Variants in CSMD1 observed in about 807,000 individuals in gnomAD.
The protein encoded by CSMD1 is CUB and sushi domain-containing protein 1.
CSMD1 carries 213 observed loss-of-function variants against 417.5 expected under a neutral mutation model. The ratio of observed to expected loss-of-function variants is 0.51; its 90% CI spans 0.46 to 0.57. The LOEUF is 0.57. CSMD1 is among the 20% of genes least tolerant of loss of function. The pLI is 0.00. For synonymous variants in CSMD1, 2,862 were observed against 1,736.8 expected, an observed-to-expected ratio of 1.65 and a Z score of -16.11; for missense variants, 6,923 against 4,529.7, an observed-to-expected ratio of 1.53 and a Z score of -15.17.
intron 41 of CSMD1, among the ~76,000 whole-genome samples, chr8:3,122,195 C>G (rs1262118434): frequency 6.6e-6 from 1 of 152,032 alleles, no homozygotes; most frequent in Admixed American, 6.5e-5. Flanking sequence ...AGATAAATTA[C>G]TAGTTATAGA....
intron 3 of CSMD1, among the ~76,000 whole-genome samples, chr8:4,111,841 T>A (rs554305808): frequency 6.6e-6 from 1 of 152,242 alleles, no homozygotes; most frequent in East Asian, 1.9e-4. Context: ...AGGTGATGGG[T>A]TGATAGGTGC....
intron 33 of CSMD1, 69 bp from the exon 34 acceptor site, chr8:3,190,184 G>A: frequency 7.7e-7 from 1 of 1,290,982 alleles, no homozygotes; most frequent in East Asian, 2.5e-5. Flanking sequence ...CGTGGAACGT[G>A]GGTTTAAGAT....
At chr8:4,568,180 G>A (rs1263973204) in intron 2 of CSMD1, among the ~76,000 whole-genome samples, 2 of 152,116 alleles carry the variant, frequency 1.3e-5, no homozygotes, top group African/African-American at 4.8e-5. Flanking sequence ...GGATACATGT[G>A]CAGAAAGTGC....
chr8:3,457,953 G>A (rs1238716198), intron 12 of CSMD1, among the ~76,000 whole-genome samples: 1 of 152,142 alleles, frequency 6.6e-6, no homozygotes. Context: ...CAATTACAGA[G>A]CCTAAAATAT....
chr8:4,754,939 C>A (rs1000297142), intron 1 of CSMD1, among the ~76,000 whole-genome samples: 2 of 152,036 alleles, frequency 1.3e-5, no homozygotes, highest in Non-Finnish European at 2.9e-5. Flanking sequence ...GAGTTCGAAA[C>A]CAGCCTGGCC....
intron 7 of CSMD1, among the ~76,000 whole-genome samples, chr8:3,647,893 A>G (rs555525121): frequency 6.6e-6 from 1 of 152,358 alleles, no homozygotes; most frequent in African/African-American, 2.4e-5. Context: ...TAAGTTTGGA[A>G]TTACTTCAAA....
chr8:4,434,961 G>GA (rs1011884431), intron 2 of CSMD1, among the ~76,000 whole-genome samples: 80 of 152,104 alleles, frequency 5.3e-4, no homozygotes, highest in African/African-American at 1.9e-3. Context: ...ATTTCCTATA[G>GA]AAAAAATGAT....
intron 5 of CSMD1, among the ~76,000 whole-genome samples, chr8:3,910,560 C>T (rs901577236): frequency 2.0e-5 from 3 of 152,132 alleles, no homozygotes; most frequent in Non-Finnish European, 4.4e-5. Flanking sequence ...ATAACTTGAG[C>T]AGACAGTATT....
intron 3 of CSMD1, among the ~76,000 whole-genome samples, chr8:4,342,097 G>A (rs1181663504): frequency 1.3e-5 from 2 of 152,032 alleles, no homozygotes; most frequent in African/African-American, 4.8e-5. Flanking sequence ...CCATCTCTAT[G>A]TTTCCATGGT....
At chr8:3,209,546 C>T (rs1797485151) in intron 30 of CSMD1, among the ~76,000 whole-genome samples, 1 of 151,974 alleles carries the variant, frequency 6.6e-6, no homozygotes, top group African/African-American at 2.4e-5. Flanking sequence ...TTATTGATCT[C>T]CTGACCTTGT....
In CSMD1 at chr8:3,135,518, A is replaced by G. The variant is rs1241150797; in HGVS notation, c.6241+6947T>C. On this transcript the variant is annotated intron_variant, in intron 41 of 69. Coordinates refer to ENST00000635120, the MANE Select transcript of CSMD1 (RefSeq NM_033225.6). ...GTGAAGTCTGCTGATCACATTTCTG[A>G]CTCTGTGAACCGGCTTCTTCCCCTT... Among the ~76,000 whole-genome samples, 15 of 110,450 alleles carry G rather than the reference A, an allele frequency of 1.4e-4. No individual in the cohort carries two copies. In the East Asian group the frequency reaches 3.7e-3, roughly 28 times the overall value. 72.5% of individuals were successfully genotyped at this position (110,450 alleles called of 152,430 possible).
chr8:3,900,259 G>A (rs74515770), intron 5 of CSMD1, among the ~76,000 whole-genome samples: 2,004 of 151,606 alleles, frequency 0.013, 53 homozygotes, highest in African/African-American at 0.046. Context: ...GGGCAGCTGG[G>A]TGACAGCACA....
intron 10 of CSMD1, among the ~76,000 whole-genome samples, chr8:3,517,412 C>T (rs138613694): frequency 7.9e-5 from 12 of 152,256 alleles, no homozygotes; most frequent in African/African-American, 2.4e-4. Flanking sequence ...AGTATCCAAG[C>T]AAAGAGAGTC....
At chr8:3,283,566 G>A (rs563813897) in intron 26 of CSMD1, among the ~76,000 whole-genome samples, 16 of 152,036 alleles carry the variant, frequency 1.1e-4, no homozygotes, top group Non-Finnish European at 2.4e-4. Flanking sequence ...ATGCAGTTTT[G>A]AGGAAACTGC....
chr8:3,730,664 C>T (rs1802791963), intron 6 of CSMD1, among the ~76,000 whole-genome samples: 1 of 152,196 alleles, frequency 6.6e-6, no homozygotes, highest in Non-Finnish European at 1.5e-5. Flanking sequence ...GATTGACCTT[C>T]ACCAGCATTT....
intron 3 of CSMD1, among the ~76,000 whole-genome samples, chr8:4,312,723 A>G (rs1798700628): frequency 6.6e-6 from 1 of 152,030 alleles, no homozygotes; most frequent in Admixed American, 6.6e-5. Context: ...CTAACGAAAA[A>G]ATGAGCCAGG....
chr8:3,758,668 T>C (rs925109179), intron 5 of CSMD1, among the ~76,000 whole-genome samples: 1 of 152,192 alleles, frequency 6.6e-6, no homozygotes, highest in African/African-American at 2.4e-5. Context: ...AGTTGAGATT[T>C]AGAAGAAAAG....
chr8:4,314,348 C>T (rs1344491444), intron 3 of CSMD1, among the ~76,000 whole-genome samples: 1 of 152,166 alleles, frequency 6.6e-6, no homozygotes, highest in Non-Finnish European at 1.5e-5. Flanking sequence ...CCTCCACCTG[C>T]CATAGAACAT....
chr8:4,301,233 C>A (rs1371723695), intron 3 of CSMD1, among the ~76,000 whole-genome samples: 1 of 152,148 alleles, frequency 6.6e-6, no homozygotes, highest in African/African-American at 2.4e-5. Flanking sequence ...AAAACAATCT[C>A]ATAATAAGCC....
Sources: gnomAD v4.1 joint callset for allele counts (sites outside exome capture counted in the v4.1 genomes callset) on GRCh38, gnomAD v4.1.1 for gene constraint, MANE v1.5 for transcripts, NCBI Gene and HGNC (gene_info 2026-07-23, HGNC 2026-07-21) for gene names.